PDE1C: variants seen among roughly 807,000 people sequenced by gnomAD.
The protein encoded by PDE1C is dual specificity calcium/calmodulin-dependent 3',5'-cyclic nucleotide phosphodiesterase 1C.
Under a neutral mutation model 93.1 loss-of-function variants are expected in PDE1C, and 62 were observed. The ratio of observed to expected loss-of-function variants is 0.67; its 90% CI spans 0.54 to 0.82. PDE1C has a LOEUF of 0.82. Ranked by LOEUF, PDE1C falls within the 40% of genes least tolerant of loss-of-function variation. The probability of loss-of-function intolerance (pLI) is 0.00; values close to 1 mark genes in which losing one functional copy is unlikely to be tolerated. For synonymous variants in PDE1C, 325 were observed against 310.1 expected, an observed-to-expected ratio of 1.05 and a Z score of -0.50; for missense variants, 742 against 884.6, an observed-to-expected ratio of 0.84 and a Z score of 2.04.
chr7:32,312,684 G>A (rs2128905012), intron 1 of PDE1C, among the ~76,000 whole-genome samples: 1 of 152,288 alleles, frequency 6.6e-6, no homozygotes, highest in South Asian at 2.1e-4. Context: ...ATGGTGCTGG[G>A]AAAACTGGCT....
intron 2 of PDE1C, among the ~76,000 whole-genome samples, chr7:32,010,053 T>C (rs976567170): frequency 1.3e-5 from 2 of 152,232 alleles, no homozygotes; most frequent in South Asian, 4.1e-4. Flanking sequence ...GATACACCTA[T>C]GTTTATAGGT....
At chr7:32,081,684 A>G (rs1177472030) in intron 3 of PDE1C, among the ~76,000 whole-genome samples, 1 of 152,170 alleles carries the variant, frequency 6.6e-6, no homozygotes, top group Admixed American at 6.5e-5. Flanking sequence ...AATGAGGTGG[A>G]ATTAGTTGGT....
chr7:31,949,456 G>A (rs904630544), intron 2 of PDE1C, among the ~76,000 whole-genome samples: 14 of 151,942 alleles, frequency 9.2e-5, no homozygotes, highest in South Asian at 6.2e-4. Flanking sequence ...GTGAAACTCC[G>A]TCTCACAAAA....
chr7:32,149,301 C>T (rs1361659355), intron 3 of PDE1C, among the ~76,000 whole-genome samples: 1 of 152,136 alleles, frequency 6.6e-6, no homozygotes, highest in African/African-American at 2.4e-5. Context: ...ACAGTTAACA[C>T]CTGTTTGTTA....
chr7:31,668,047 A>C, the PDE1C span, among the ~76,000 whole-genome samples: 2 of 152,160 alleles, frequency 1.3e-5, no homozygotes, highest in African/African-American at 4.8e-5. Context: ...CTAGGGAAAA[A>C]CTGGACTATG....
rs376919544 is a variant in PDE1C at position 32,030,078 on chromosome 7, A to AACACACACAC, written c.128+21466_128+21475dup. On this transcript the variant is annotated intron_variant, in intron 2 of 17. Transcript: ENST00000396191. ...CAAGTTGCTGAAAAATGCATATTAT[A>AACACACACAC]ACACACACACACACACACACACACA... Among the ~76,000 whole-genome samples the AACACACACAC allele has an allele frequency of 3.2e-3, 434 of 134,078 alleles. 7 individuals are homozygous for AACACACACAC. The highest frequency in any genetic ancestry group is 0.032 in the East Asian group (140 of 4,348). 88.0% of individuals were successfully genotyped at this position (134,078 alleles called of 152,430 possible).
In PDE1C at chr7:31,968,138, G is replaced by C. The variant is rs558725703; in HGVS notation, c.128+83416C>G. Among the ~76,000 whole-genome samples the C allele has an allele frequency of 3.1e-3, 477 of 152,226 alleles. 4 individuals are homozygous for C. Among genetic ancestry groups the C allele is most frequent in the African/African-American group, 0.011 (449 of 41,522 alleles). On this transcript the variant is annotated intron_variant, in intron 2 of 17. Transcript: ENST00000396191. The stretch of plus-strand genomic sequence containing the variant: ...ATCAGGCAGGAGAAGGAAATAAAGG[G>C]CATTCAATTAGGAAAAGAGGAAGTC...
At chr7:31,693,566 T>A in the PDE1C span, among the ~76,000 whole-genome samples, 3 of 152,180 alleles carry the variant, frequency 2.0e-5, no homozygotes, top group South Asian at 6.2e-4. Flanking sequence ...GAGAAAAGAG[T>A]ATAACACCGT....
At chr7:32,293,392 C>T (rs1384459624) in intron 1 of PDE1C, among the ~76,000 whole-genome samples, 1 of 152,080 alleles carries the variant, frequency 6.6e-6, no homozygotes, top group Non-Finnish European at 1.5e-5. Context: ...TGTGAGAGCT[C>T]CTCAGGCAAA....
At chr7:32,272,992 T>TA (rs1195613972) in intron 1 of PDE1C, among the ~76,000 whole-genome samples, 3 of 152,238 alleles carry the variant, frequency 2.0e-5, no homozygotes, top group African/African-American at 7.2e-5. Flanking sequence ...AACCCTATGA[T>TA]ACGGGGTATG....
the PDE1C span, among the ~76,000 whole-genome samples, chr7:31,633,092 G>A: frequency 1.3e-4 from 19 of 151,872 alleles, 1 homozygote; most frequent in Middle Eastern, 6.3e-3. Flanking sequence ...TCACCATGTT[G>A]GCCAGGCTGG....
chr7:31,793,124 C>T (rs1784776911), intron 16 of PDE1C, among the ~76,000 whole-genome samples: 1 of 151,900 alleles, frequency 6.6e-6, no homozygotes, highest in Admixed American at 6.6e-5. Flanking sequence ...AACAATGTGG[C>T]CTTATTTATG....
the PDE1C span, among the ~76,000 whole-genome samples, chr7:31,663,818 AC>A: frequency 6.6e-6 from 1 of 152,292 alleles, no homozygotes; most frequent in South Asian, 2.1e-4. Context: ...TAATTTACAT[AC>A]CGTGTTTGGG....
At chr7:32,131,675 C>G (rs939322987) in intron 3 of PDE1C, among the ~76,000 whole-genome samples, 4 of 152,122 alleles carry the variant, frequency 2.6e-5, no homozygotes, top group African/African-American at 9.7e-5. Flanking sequence ...TCTATCTTCC[C>G]TCCTCTTGAT....
At chr7:32,420,442 T>A (rs1785407693) in intron 1 of PDE1C, among the ~76,000 whole-genome samples, 1 of 144,110 alleles carries the variant, frequency 6.9e-6, no homozygotes, top group African/African-American at 2.6e-5. Context: ...TAATCCCAAC[T>A]ACTAGTGAGG....
At chr7:31,893,211 C>T (rs1407515902) in intron 2 of PDE1C, among the ~76,000 whole-genome samples, 1 of 152,098 alleles carries the variant, frequency 6.6e-6, no homozygotes, top group East Asian at 1.9e-4. Flanking sequence ...GTTGTATAGT[C>T]ATTTCCAATA....
chr7:32,425,341 C>G (rs557612397), intron 1 of PDE1C, among the ~76,000 whole-genome samples: 2 of 152,164 alleles, frequency 1.3e-5, no homozygotes, highest in South Asian at 4.2e-4. Flanking sequence ...GCTACCTAAA[C>G]CCACCTCTCT....
the PDE1C span, among the ~76,000 whole-genome samples, chr7:31,623,381 C>A: frequency 1.3e-5 from 2 of 151,728 alleles, no homozygotes; most frequent in Admixed American, 6.6e-5. Context: ...CCGAATCCAG[C>A]AGCACATCAA....
At chr7:32,417,628 G>A (rs79968943) in intron 1 of PDE1C, among the ~76,000 whole-genome samples, 3,950 of 144,314 alleles carry the variant, frequency 0.027, 64 homozygotes, top group Middle Eastern at 0.065. Context: ...AACTCCCAGG[G>A]AAAAGTTCTA....
Sources: allele counts gnomAD v4.1 joint callset (sites outside exome capture counted in the v4.1 genomes callset), GRCh38; gene constraint gnomAD v4.1.1; transcripts MANE v1.5; gene names NCBI Gene and HGNC (gene_info 2026-07-23, HGNC 2026-07-21).